PTPRD: variants seen among roughly 807,000 people sequenced by gnomAD.
PTPRD encodes protein tyrosine phosphatase receptor type D, also known as receptor-type tyrosine-protein phosphatase delta.
A neutral mutation model predicts 214.5 loss-of-function variants in PTPRD; 34 were observed. The ratio of observed to expected loss-of-function variants is 0.16; its 90% CI spans 0.12 to 0.21. The LOEUF (loss-of-function observed/expected upper bound fraction) is 0.21. Among genes scored for constraint, PTPRD ranks in the 10% least tolerant of loss-of-function variants. PTPRD has a pLI of 1.00. For missense variants in PTPRD, 2,545 were observed against 2,398.7 expected (o/e 1.06, Z -1.27); for synonymous variants, 1,128 against 845.7 (o/e 1.33, Z -5.79).
chr9:8,886,147 C>T (rs1372504600), intron 11 of PTPRD, among the ~76,000 whole-genome samples: 1 of 152,122 alleles, frequency 6.6e-6, no homozygotes, highest in Non-Finnish European at 1.5e-5. Flanking sequence ...TTAAGTCCAG[C>T]TGATTTGTTC....
intron 8 of PTPRD, among the ~76,000 whole-genome samples, chr9:9,477,539 T>C (rs2095148761): frequency 6.6e-6 from 1 of 152,222 alleles, no homozygotes; most frequent in Admixed American, 6.5e-5. Flanking sequence ...TTATTTATTT[T>C]ACTATCCATA....
At chr9:10,157,004 A>AT (rs2099097576) in intron 3 of PTPRD, among the ~76,000 whole-genome samples, 1 of 151,702 alleles carries the variant, frequency 6.6e-6, no homozygotes, top group Non-Finnish European at 1.5e-5. Context: ...CTATCCTTTT[A>AT]TTTTGAGACT....
intron 11 of PTPRD, among the ~76,000 whole-genome samples, chr9:8,848,995 C>T (rs1490793776): frequency 8.0e-6 from 1 of 125,568 alleles, no homozygotes; most frequent in Non-Finnish European, 1.8e-5. Context: ...ACTATTACAA[C>T]TATTACATAT....
chr9:9,886,493 G>A (rs781488355), intron 5 of PTPRD, among the ~76,000 whole-genome samples: 32 of 152,104 alleles, frequency 2.1e-4, no homozygotes, highest in Non-Finnish European at 4.3e-4. Context: ...TTTCCCATGG[G>A]AGGGATGTAA....
chr9:9,644,455 G>T (rs1369966793), intron 7 of PTPRD, among the ~76,000 whole-genome samples: 1 of 152,092 alleles, frequency 6.6e-6, no homozygotes, highest in African/African-American at 2.4e-5. Context: ...AAATTATTTG[G>T]TCTGAATAAA....
chr9:8,407,887 A>G (rs1022228117), intron 35 of PTPRD, among the ~76,000 whole-genome samples: 1 of 152,242 alleles, frequency 6.6e-6, no homozygotes, highest in African/African-American at 2.4e-5. Context: ...AGCTTGTCAG[A>G]ATGCTGACAG....
In PTPRD at chr9:10,365,748, T is replaced by C. The variant is rs188252515; in HGVS notation, c.-599-24731A>G. On this transcript the variant is annotated intron_variant, in intron 2 of 45. Transcript: ENST00000381196. ...ATTTTCTACTTCATAACTTTTGATA[T>C]TGAAATAATAGTTCAATAGTTAATA... Among the ~76,000 whole-genome samples the C allele has an allele frequency of 1.5e-3, 226 of 152,230 alleles. 1 individual carries two copies. The highest frequency in any genetic ancestry group is 5.3e-3 in the African/African-American group (219 of 41,546).
intron 12 of PTPRD, among the ~76,000 whole-genome samples, chr9:8,689,958 A>T (rs938293237): frequency 6.6e-6 from 1 of 152,032 alleles, no homozygotes; most frequent in African/African-American, 2.4e-5. Flanking sequence ...AAAATAAAAA[A>T]TTAGCTGGGC....
rs188993401 is a variant in PTPRD at position 9,882,262 on chromosome 9, C to T, written c.-368+56245G>A. Among the ~76,000 whole-genome samples, 9 of 152,058 alleles carry T rather than the reference C, an allele frequency of 5.9e-5. No homozygotes were observed. In the East Asian group the frequency reaches 7.8e-4, roughly 13 times the overall value. Reference sequence around the variant, plus strand: ...TTTTTTTGATTGTAAGCAGAAGGATCGAAATTAGAATATTTTCTAGAGGTT... The same window carrying T: ...TTTTTTTGATTGTAAGCAGAAGGATTGAAATTAGAATATTTTCTAGAGGTT... On this transcript the variant is annotated intron_variant, in intron 5 of 45. Coordinates refer to ENST00000381196, the MANE Select transcript of PTPRD (RefSeq NM_002839.4).
chr9:8,470,873 A>G (rs2096640111), intron 31 of PTPRD, 122 bp downstream of exon 31: 1 of 804,754 alleles, frequency 1.2e-6, no homozygotes, highest in Non-Finnish European at 2.1e-6. Flanking sequence ...GAACCATCCA[A>G]CCAGCTAGGT....
chr9:9,163,725 C>G (rs193186854), intron 10 of PTPRD, among the ~76,000 whole-genome samples: 1 of 152,256 alleles, frequency 6.6e-6, no homozygotes, highest in African/African-American at 2.4e-5. Flanking sequence ...ACTGACTCGA[C>G]CATTCATGAT....
chr9:9,298,720 G>C (rs1240042484), intron 9 of PTPRD, among the ~76,000 whole-genome samples: 1 of 151,644 alleles, frequency 6.6e-6, no homozygotes, highest in Non-Finnish European at 1.5e-5. Flanking sequence ...GCAATGGGCT[G>C]TTTATATTTA....
At chr9:9,948,655 T>C (rs1426841727) in intron 4 of PTPRD, among the ~76,000 whole-genome samples, 2 of 152,212 alleles carry the variant, frequency 1.3e-5, no homozygotes, top group East Asian at 1.9e-4. Context: ...AAGTATGCAA[T>C]ACTTAGCCAA....
At chr9:10,141,311 G>C (rs1430520762) in intron 3 of PTPRD, among the ~76,000 whole-genome samples, 4 of 152,182 alleles carry the variant, frequency 2.6e-5, no homozygotes, top group East Asian at 3.9e-4. Context: ...AAGTCAAATT[G>C]TCCCTTTTTG....
chr9:10,499,362 T>C (rs1001425941), intron 2 of PTPRD, among the ~76,000 whole-genome samples: 2 of 151,860 alleles, frequency 1.3e-5, no homozygotes, highest in East Asian at 1.9e-4. Context: ...CTCGATAGAT[T>C]ATTATTACTA....
chr9:8,772,455 C>T (rs2095271715), intron 11 of PTPRD, among the ~76,000 whole-genome samples: 1 of 151,832 alleles, frequency 6.6e-6, no homozygotes, highest in Admixed American at 6.6e-5. Flanking sequence ...TCAAGACCAG[C>T]CTGGGCAAGA....
At chr9:9,055,973 T>C (rs892235510) in intron 10 of PTPRD, among the ~76,000 whole-genome samples, 5 of 152,112 alleles carry the variant, frequency 3.3e-5, no homozygotes, top group Non-Finnish European at 5.9e-5. Context: ...GACTTCTCTA[T>C]GTCATTTGTT....
At chr9:9,944,886 C>T (rs181960975) in intron 4 of PTPRD, among the ~76,000 whole-genome samples, 14 of 151,852 alleles carry the variant, frequency 9.2e-5, no homozygotes, top group Admixed American at 5.3e-4. Flanking sequence ...CCAGTTTGGC[C>T]AGATGTAGAG....
chr9:9,055,951 T>C (rs927045030), intron 10 of PTPRD, among the ~76,000 whole-genome samples: 6 of 152,178 alleles, frequency 3.9e-5, no homozygotes, highest in African/African-American at 1.2e-4. Flanking sequence ...CTGCACATGG[T>C]TTATTCTGCT....
Sources: gnomAD v4.1 joint callset for allele counts (sites outside exome capture counted in the v4.1 genomes callset) on GRCh38, gnomAD v4.1.1 for gene constraint, MANE v1.5 for transcripts, NCBI Gene and HGNC (gene_info 2026-07-23, HGNC 2026-07-21) for gene names.